NLGN1: variants seen among roughly 807,000 people sequenced by gnomAD.
NLGN1 encodes neuroligin-1.
A neutral mutation model predicts 65.5 loss-of-function variants in NLGN1; 12 were observed. That is an observed-to-expected ratio of 0.18 (90% CI 0.12 to 0.30). NLGN1 has a LOEUF of 0.30. Ranked by LOEUF, NLGN1 falls within the 10% of genes least tolerant of loss-of-function variation. The pLI is 1.00. For synonymous variants in NLGN1, 350 were observed against 359.5 expected (o/e 0.97, Z 0.30); for missense variants, 750 against 1,007.1 (o/e 0.74, Z 3.46).
intron 4 of NLGN1, among the ~76,000 whole-genome samples, chr3:173,907,920 A>G (rs1409546653): frequency 1.3e-5 from 2 of 152,046 alleles, no homozygotes; most frequent in Non-Finnish European, 2.9e-5. Flanking sequence ...GGGTTTCACC[A>G]TGTTGGCCAG....
intron 2 of NLGN1, among the ~76,000 whole-genome samples, chr3:173,520,206 A>G (rs1734530397): frequency 1.3e-5 from 2 of 152,208 alleles, no homozygotes; most frequent in South Asian, 4.1e-4. Context: ...CTGCAGATCC[A>G]TGAGCCAATT....
At chr3:173,901,210 A>G (rs542458107) in intron 4 of NLGN1, among the ~76,000 whole-genome samples, 83 of 152,130 alleles carry the variant, frequency 5.5e-4, no homozygotes, top group African/African-American at 1.0e-3. Flanking sequence ...AGGAGTTCAC[A>G]TATATATGCA....
At chr3:173,429,211 T>C (rs2148732470) in intron 1 of NLGN1, among the ~76,000 whole-genome samples, 1 of 152,312 alleles carries the variant, frequency 6.6e-6, no homozygotes, top group Admixed American at 6.5e-5. Flanking sequence ...GTCCTCTGAC[T>C]GTGTATTTTC....
intron 4 of NLGN1, among the ~76,000 whole-genome samples, chr3:174,105,605 G>A (rs1342960755): frequency 6.8e-6 from 1 of 147,144 alleles, no homozygotes; most frequent in East Asian, 1.9e-4. Context: ...ACTTAAATCA[G>A]TGACACCAGA....
At position 173,465,647 on chromosome 3, in the gene NLGN1, A is replaced by G. The variant is rs1056971583; in HGVS notation, c.-321+30569A>G. ...TAGATTAGAGGTAAGAGATGAAGTC[A>G]TATTTTTGAAAGGAAATCACAAACA... On this transcript the variant is annotated intron_variant, in intron 2 of 6. Transcript: ENST00000457714. Among the ~76,000 whole-genome samples, 3 of 152,370 alleles carry G rather than the reference A, an allele frequency of 2.0e-5. No individual in the cohort carries two copies. The East Asian group carries it at 5.8e-4, about 29-fold the overall frequency.
intron 2 of NLGN1, among the ~76,000 whole-genome samples, chr3:173,580,336 G>T (rs1404161657): frequency 1.3e-5 from 2 of 151,986 alleles, no homozygotes; most frequent in African/African-American, 4.8e-5. Flanking sequence ...TAATAACACG[G>T]TTAAATTGGA....
intron 4 of NLGN1, among the ~76,000 whole-genome samples, chr3:174,227,947 T>C (rs554491449): frequency 2.0e-5 from 3 of 152,094 alleles, no homozygotes; most frequent in African/African-American, 4.8e-5. Context: ...AAATCTGATA[T>C]TATTTGCATA....
intron 2 of NLGN1, among the ~76,000 whole-genome samples, chr3:173,565,332 A>G (rs1390910769): frequency 6.6e-6 from 1 of 152,226 alleles, no homozygotes; most frequent in Non-Finnish European, 1.5e-5. Context: ...GTGAAGCAGC[A>G]TGGGATTGAG....
rs552014574 is a variant in NLGN1, at chr3:174,268,470, A to G, written c.647-6845A>G. Among the ~76,000 whole-genome samples, 147 of 152,184 alleles carry G rather than the reference A, an allele frequency of 9.7e-4. 1 individual carries two copies. The highest frequency in any genetic ancestry group is 3.5e-3 in the African/African-American group (145 of 41,550). ...AGCTGGGGGTTACTTTCTCCCTAGT[A>G]TCTTGGGGCATTCTTGAAATGGGAA... On this transcript the variant is annotated intron_variant, in intron 4 of 6. Coordinates refer to ENST00000457714, the Ensembl canonical transcript of NLGN1.
In NLGN1 at chr3:173,708,592, C is replaced by T. The variant is rs114436988; in HGVS notation, c.494-99088C>T. On this transcript the variant is annotated intron_variant, in intron 3 of 6. Transcript: ENST00000457714. ...GCAAGATATCTCAGAGTTTTTGATA[C>T]GTAAGGAATAGCCTAGAAAAGGTAT... 3.2e-3 allele frequency among the ~76,000 whole-genome samples: 492 copies of T among 152,192 alleles called. 1 individual carries two copies. The highest frequency in any genetic ancestry group is 0.011 in the African/African-American group (464 of 41,514).
chr3:173,664,806 T>A (rs1188164386), intron 3 of NLGN1, among the ~76,000 whole-genome samples: 1 of 152,090 alleles, frequency 6.6e-6, no homozygotes, highest in African/African-American at 2.4e-5. Flanking sequence ...TGAATCCAGA[T>A]GTAAAGTCTC....
At chr3:174,151,734 G>T (rs6810062) in intron 4 of NLGN1, among the ~76,000 whole-genome samples, 55,413 of 151,812 alleles carry the variant, frequency 0.37, 11,869 homozygotes, top group African/African-American at 0.59. Context: ...TGCATTAAGC[G>T]CTGAGTGACT....
chr3:173,973,860 A>G (rs370694824), intron 4 of NLGN1, among the ~76,000 whole-genome samples: 3 of 151,974 alleles, frequency 2.0e-5, no homozygotes, highest in Non-Finnish European at 2.9e-5. Flanking sequence ...AAAGTATACT[A>G]TTTGTGTTTT....
chr3:173,689,749 A>G (rs1230846766), intron 3 of NLGN1, among the ~76,000 whole-genome samples: 3 of 152,116 alleles, frequency 2.0e-5, no homozygotes. Flanking sequence ...TGCCCCATTC[A>G]ATTAGGTACC....
chr3:173,772,478 C>A (rs1255201868), intron 3 of NLGN1, among the ~76,000 whole-genome samples: 1 of 151,984 alleles, frequency 6.6e-6, no homozygotes, highest in Non-Finnish European at 1.5e-5. Context: ...ATTAGCCAGG[C>A]ATGGTGTCAG....
chr3:173,698,331 C>T (rs1227803413), intron 3 of NLGN1, among the ~76,000 whole-genome samples: 1 of 152,036 alleles, frequency 6.6e-6, no homozygotes, highest in Non-Finnish European at 1.5e-5. Flanking sequence ...TTTTTTATGC[C>T]ATATGAAAAC....
At position 173,569,684 on chromosome 3, in the gene NLGN1, AGAT is replaced by A. The variant is rs1744312071; in HGVS notation, c.-320-34594_-320-34592del. On this transcript the variant is annotated intron_variant, in intron 2 of 6. Coordinates refer to ENST00000457714, the Ensembl canonical transcript of NLGN1. ...TTTTCTGTTCAAATTTATGAATAAA[AGAT>A]TAGGGTGCTTAATGTAGGTATCTAG... is the stretch of plus-strand genomic sequence containing the variant. Among the ~76,000 whole-genome samples, 3 of 151,888 alleles carry A rather than the reference AGAT, an allele frequency of 2.0e-5. No homozygotes were observed. The South Asian group carries it at 6.2e-4, about 32-fold the overall frequency.
chr3:173,481,753 A>AC (rs1355146661), intron 2 of NLGN1, among the ~76,000 whole-genome samples: 1,630 of 151,986 alleles, frequency 0.011, 30 homozygotes, highest in African/African-American at 0.038. Context: ...CTTTTTAAAA[A>AC]ACAAACAAAT....
At chr3:173,497,862 T>C (rs569044576) in intron 2 of NLGN1, among the ~76,000 whole-genome samples, 1 of 152,036 alleles carries the variant, frequency 6.6e-6, no homozygotes, top group African/African-American at 2.4e-5. Context: ...AGAAAAATAG[T>C]CTGCATAAAC....
Sources: gnomAD v4.1 joint callset for allele counts (sites outside exome capture counted in the v4.1 genomes callset) on GRCh38, gnomAD v4.1.1 for gene constraint, MANE v1.5 for transcripts, NCBI Gene and HGNC (gene_info 2026-07-23, HGNC 2026-07-21) for gene names.